CMKLR1: variants seen among roughly 807,000 people sequenced by gnomAD.
CMKLR1 encodes chemerin-like receptor 1.
In CMKLR1, 6 loss-of-function variants were observed where a neutral mutation model predicts 8.2. The observed-to-expected ratio is 0.73, with a 90% confidence interval of 0.40 to 1.44. The LOEUF is 1.44. Ranked by LOEUF, CMKLR1 falls within the 40% of genes most tolerant of loss-of-function variation. The probability of loss-of-function intolerance (pLI) is 0.02; values close to 1 mark genes in which losing one functional copy is unlikely to be tolerated. For synonymous variants in CMKLR1, 178 were observed against 181.2 expected, an observed-to-expected ratio of 0.98 and a Z score of 0.14; for missense variants, 429 against 478.0, an observed-to-expected ratio of 0.90 and a Z score of 0.96.
At chr12:108,320,676 C>T (rs1195977387) in intron 2 of CMKLR1, 1 of 152,532 alleles carries the variant, frequency 6.6e-6, no homozygotes, top group Non-Finnish European at 1.5e-5. Flanking sequence ...CTTCCTCTCC[C>T]CAGCTCCCAC....
Position 108,289,958 on chromosome 12 carries a change from C to T in CMKLR1, c.*1883G>A, listed in dbSNP as rs972261218. 2.0e-5 allele frequency: 3 copies of T among 152,210 alleles called. No homozygotes were observed. The highest frequency in any genetic ancestry group is 4.4e-5 in the Non-Finnish European group (3 of 68,056). 9.4% of individuals were successfully genotyped at this position (152,210 alleles called of 1,614,324 possible). The stretch of plus-strand genomic sequence containing the variant: ...AACAATGAAGGGACTTGGAAGAGAA[C>T]AGAATGTGGACACTTAGGAGCCAAA... On this transcript the variant is annotated 3_prime_UTR_variant, in exon 4 of 4. Coordinates refer to ENST00000550402, the MANE Select transcript of CMKLR1 (RefSeq NM_001142343.2).
Position 108,289,407 on chromosome 12 carries a change from T to A in CMKLR1, c.*2434A>T, listed in dbSNP as rs1890894873. ...TGCATTTAAGTACTTGACAGGAACCTAAGTCAGAACAGGAAGACCCACAGA... is the reference window on the plus strand; with the variant it reads ...TGCATTTAAGTACTTGACAGGAACCAAAGTCAGAACAGGAAGACCCACAGA... On this transcript the variant is annotated 3_prime_UTR_variant, in exon 4 of 4. Coordinates refer to ENST00000550402, the MANE Select transcript of CMKLR1 (RefSeq NM_001142343.2). 1 of 152,410 alleles carries A rather than the reference T, an allele frequency of 6.6e-6. No homozygotes were observed. The highest frequency in any genetic ancestry group is 1.9e-4 in the East Asian group (1 of 5,190). 9.4% of individuals were successfully genotyped at this position (152,410 alleles called of 1,614,324 possible). A position where few individuals can be genotyped will look rare whatever the true frequency, so the allele number is the denominator to read the frequency against.
chr12:108,334,657 G>C (rs1194025363), intron 1 of CMKLR1, among the ~76,000 whole-genome samples: 1 of 152,178 alleles, frequency 6.6e-6, no homozygotes, highest in Non-Finnish European at 1.5e-5. Flanking sequence ...CCATGTACAC[G>C]TACATGAACA....
At chr12:108,298,587 C>A (rs1003137156) in intron 2 of CMKLR1, among the ~76,000 whole-genome samples, 4 of 152,248 alleles carry the variant, frequency 2.6e-5, no homozygotes, top group Non-Finnish European at 5.9e-5. Context: ...CCTAGCCCCT[C>A]AGGGAATTTA....
At chr12:108,311,298 G>A (rs1280189182) in intron 2 of CMKLR1, among the ~76,000 whole-genome samples, 1 of 152,092 alleles carries the variant, frequency 6.6e-6, no homozygotes, top group Non-Finnish European at 1.5e-5. Flanking sequence ...GTGTATGTGT[G>A]CGTGTGAGAT....
In CMKLR1 at chr12:108,291,666, C is replaced by G; in HGVS notation, c.*175G>C. 1 of 678,536 alleles carries G rather than the reference C, an allele frequency of 1.5e-6. No homozygotes were observed. Among genetic ancestry groups the G allele is most frequent in the Non-Finnish European group, 2.5e-6 (1 of 393,782 alleles). The allele number at this position is 678,536 out of a possible 1,614,324, so 42.0% of individuals were successfully genotyped here. A position where few individuals can be genotyped will look rare whatever the true frequency, so the allele number is the denominator to read the frequency against. ...TGTATGGAACACAGCATGTTCTGTCCACTAGAAGAAAGGGGTTCCAGGCCC... is the reference window on the plus strand; with the variant it reads ...TGTATGGAACACAGCATGTTCTGTCGACTAGAAGAAAGGGGTTCCAGGCCC... On this transcript the variant is annotated 3_prime_UTR_variant, in exon 4 of 4. Transcript: ENST00000550402.
At chr12:108,317,000 G>C (rs183155250) in intron 2 of CMKLR1, among the ~76,000 whole-genome samples, 1 of 152,014 alleles carries the variant, frequency 6.6e-6, no homozygotes, top group African/African-American at 2.4e-5. Context: ...ATGGGGTTTC[G>C]CCATGTTGGC....
chr12:108,335,601 T>C (rs1222414185), intron 1 of CMKLR1, among the ~76,000 whole-genome samples: 31 of 152,232 alleles, frequency 2.0e-4, no homozygotes, highest in Admixed American at 2.0e-3. Context: ...TATTTACAGA[T>C]GAAATTATTG....
chr12:108,331,251 A>T (rs1892099173), intron 1 of CMKLR1, among the ~76,000 whole-genome samples: 1 of 152,316 alleles, frequency 6.6e-6, no homozygotes, highest in Non-Finnish European at 1.5e-5. Flanking sequence ...ACATGCCGCC[A>T]TCCCCATTTC....
intron 2 of CMKLR1, among the ~76,000 whole-genome samples, chr12:108,298,649 G>A (rs961751837): frequency 2.0e-5 from 3 of 152,152 alleles, no homozygotes; most frequent in African/African-American, 7.2e-5. Flanking sequence ...CACACACGGG[G>A]GTTACTCACC....
chr12:108,312,599 G>C (rs574822097), intron 2 of CMKLR1, among the ~76,000 whole-genome samples: 32 of 152,200 alleles, frequency 2.1e-4, no homozygotes, highest in Non-Finnish European at 3.7e-4. Context: ...CCATTTTTCA[G>C]ATGTGGAAAT....
rs531015512 is a variant in CMKLR1 at position 108,312,633 on chromosome 12, C to A, written c.-74+17362G>T. ...ATCAAGCCATAGAGAAGCAAGGGCA[C>A]TGGCCCAAGATCTCACAGTAGGAAG... On this transcript the variant is annotated intron_variant, in intron 2 of 3. Coordinates refer to ENST00000550402, the MANE Select transcript of CMKLR1 (RefSeq NM_001142343.2). 1.9e-4 allele frequency among the ~76,000 whole-genome samples: 29 copies of A among 152,346 alleles called. 1 individual carries two copies. The highest frequency in any genetic ancestry group is 3.4e-3 in the Middle Eastern group (1 of 294).
At position 108,292,365 on chromosome 12, in the gene CMKLR1, A is replaced by C; in HGVS notation, c.598T>G (p.Ser200Ala). Reference sequence around the variant, plus strand: ...TGGGAGTGAGTGGGCCACGAGGAAGACCCAGGTGTGGACAGGCTGAAGTTG... The same window carrying C: ...TGGGAGTGAGTGGGCCACGAGGAAGCCCCAGGTGTGGACAGGCTGAAGTTG... ...FNNFSLSTPG[S>A]SSWPTHSQMD... Residue 200 changes from serine to alanine, a missense_variant, in exon 4 of 4, where the codon TCT becomes GCT. By Grantham distance (99) the Ser-to-Ala change is moderately conservative. Coordinates refer to ENST00000550402, the MANE Select transcript of CMKLR1 (RefSeq NM_001142343.2). 1 of 1,614,084 alleles carries C rather than the reference A, an allele frequency of 6.2e-7. No homozygotes were observed. The highest frequency in any genetic ancestry group is 1.1e-5 in the South Asian group (1 of 91,072).
chr12:108,292,327 C>A lies in CMKLR1; in HGVS notation c.636G>T (p.Val212=). The A allele has an allele frequency of 6.2e-7, 1 of 1,614,158 alleles. No individual in the cohort carries two copies. Among genetic ancestry groups the A allele is most frequent in the Non-Finnish European group, 8.5e-7 (1 of 1,180,042 alleles). The part of the protein sequence containing the change: ...SWPTHSQMDP[V]GYSRHMVVTV... ...TCACCACCATGTGCCGGCTATACCCCACAGGGTCCATTTGGGAGTGAGTGG... is the reference window on the plus strand; with the variant it reads ...TCACCACCATGTGCCGGCTATACCCAACAGGGTCCATTTGGGAGTGAGTGG... The change falls in exon 4 of 4, where the codon GTG becomes GTT. Residue 212 remains valine, a synonymous_variant. Transcript: ENST00000550402.
At chr12:108,308,361 T>C (rs915012245) in intron 2 of CMKLR1, among the ~76,000 whole-genome samples, 1 of 152,142 alleles carries the variant, frequency 6.6e-6, no homozygotes, top group African/African-American at 2.4e-5. Context: ...AAGTCCACTG[T>C]TTTAGGGTCC....
At position 108,292,087 on chromosome 12, in the gene CMKLR1, A is replaced by T. The variant is rs1194230843; in HGVS notation, c.876T>A (p.Ser292=). The T allele has an allele frequency of 1.2e-6, 2 of 1,614,232 alleles. No homozygotes were observed. Among genetic ancestry groups the T allele is most frequent in the Admixed American group, 3.3e-5 (2 of 60,028 alleles). The part of the protein sequence containing the change: ...LELHHTAMPG[S]VFSLGLPLAT... ...CCAGGGGCAAACCCAGGCTGAAGAC[A>T]GAGCCAGGCATGGCAGTGTGGTGGA... Residue 292 remains serine, a synonymous_variant, in exon 4 of 4, where the codon TCT becomes TCA. Coordinates refer to ENST00000550402, the MANE Select transcript of CMKLR1 (RefSeq NM_001142343.2).
intron 2 of CMKLR1, among the ~76,000 whole-genome samples, chr12:108,308,026 AGTGAGCAC>A (rs1341805178): frequency 3.3e-5 from 5 of 152,240 alleles, no homozygotes; most frequent in African/African-American, 1.2e-4. Context: ...GAAGTGACCG[AGTGAGCAC>A]GTGGGTAGAA....
chr12:108,292,228 G>A lies in CMKLR1; in HGVS notation c.735C>T (p.Cys245=), dbSNP rs1890997985. Residue 245 remains cysteine, a synonymous_variant, in exon 4 of 4, where the codon TGC becomes TGT. Transcript: ENST00000550402. ...TGGCCAGGCGGTTGCGCTGCAGTTT[G>A]CACACGATGGTGAGGTAGCAAGCTG... ...IITACYLTIV[C]KLQRNRLAKT... is the part of the protein sequence containing the mutation. 6.2e-7 allele frequency: 1 copy of A among 1,614,096 alleles called. No individual in the cohort carries two copies. The highest frequency in any genetic ancestry group is 1.7e-5 in the Admixed American group (1 of 60,016).
intron 2 of CMKLR1, among the ~76,000 whole-genome samples, chr12:108,312,136 T>C (rs1004989292): frequency 5.3e-5 from 8 of 152,162 alleles, no homozygotes; most frequent in African/African-American, 1.9e-4. Flanking sequence ...TGACAATCCA[T>C]CTTCCCCCTG....
Sources: allele counts gnomAD v4.1 joint callset (sites outside exome capture counted in the v4.1 genomes callset), GRCh38; gene constraint gnomAD v4.1.1; transcripts MANE v1.5; gene names NCBI Gene and HGNC (gene_info 2026-07-23, HGNC 2026-07-21).